Variants in PDZD4 observed in about 807,000 individuals in gnomAD.
PDZD4 encodes the protein PDZ domain containing 4.
In PDZD4, 9 loss-of-function variants were observed where a neutral mutation model predicts 38.5. The observed-to-expected ratio is 0.23, with a 90% CI of 0.14 to 0.41. PDZD4 has a LOEUF of 0.41. Ranked by LOEUF, PDZD4 falls within the 10% of genes least tolerant of loss-of-function variation. PDZD4 has a pLI of 1.00. For missense variants in PDZD4, 612 were observed against 722.0 expected (o/e 0.85, Z 1.75); for synonymous variants, 349 against 315.7 (o/e 1.11, Z -1.12).
At chrX:153,821,332 A>G (rs1373440719) in intron 1 of PDZD4, among the ~76,000 whole-genome samples, 2 of 111,144 alleles carry the variant, frequency 1.8e-5, no homozygotes, top group Non-Finnish European at 1.9e-5. Flanking sequence ...TTAGCTGCAC[A>G]TGGCAGGGAA....
chrX:153,807,628 C>T (rs1192000992), intron 2 of PDZD4, among the ~76,000 whole-genome samples: 1 of 89,087 alleles, frequency 1.1e-5, no homozygotes, highest in Non-Finnish European at 2.2e-5. Flanking sequence ...TTCCCGTCCC[C>T]CAGACCAGAA....
At chrX:153,815,009 C>G (rs1344148529) in intron 1 of PDZD4, among the ~76,000 whole-genome samples, 2 of 112,853 alleles carry the variant, frequency 1.8e-5, no homozygotes, top group Non-Finnish European at 3.8e-5. Context: ...GGCGGAGGAG[C>G]ACAAAGATGA....
rs782275159 is a variant in PDZD4, at chrX:153,821,553, G to A, written c.60+8686C>T. 5.4e-5 allele frequency among the ~76,000 whole-genome samples: 6 copies of A among 110,528 alleles called. No individual in the cohort carries two copies. In the East Asian group the frequency reaches 1.1e-3, roughly 21 times the overall value. On this transcript the variant is annotated intron_variant, in intron 1 of 7. Transcript: ENST00000393758. The stretch of plus-strand genomic sequence containing the variant: ...TTGGGGCTACCATAGATCTACTCCC[G>A]GTCCCTACCCAAGGCCCTGGCTACT...
chrX:153,818,985 G>T (rs1360376254), intron 1 of PDZD4, among the ~76,000 whole-genome samples: 4 of 112,541 alleles, frequency 3.6e-5, no homozygotes, highest in African/African-American at 6.4e-5. Flanking sequence ...GCGATCTCCC[G>T]CTGGGCAAGG....
intron 1 of PDZD4, among the ~76,000 whole-genome samples, chrX:153,810,200 A>G (rs1018767): frequency 0.45 from 50,281 of 111,541 alleles, 8,765 homozygotes; most frequent in East Asian, 0.83. Flanking sequence ...TCAGCGGCTT[A>G]TGGAAGGGCT....
rs1237615753 is a variant in PDZD4, at chrX:153,830,384, G to C, written c.-86C>G. 2.3e-6 allele frequency: 2 copies of C among 886,498 alleles called. No individual in the cohort carries two copies. Among genetic ancestry groups the C allele is most frequent in the East Asian group, 3.3e-5 (1 of 30,127 alleles). 73.1% of individuals were successfully genotyped at this position (886,498 alleles called of 1,213,427 possible). A position where few individuals can be genotyped will look rare whatever the true frequency, so the allele number is the denominator to read the frequency against. On this transcript the variant is annotated 5_prime_UTR_variant, in exon 1 of 8. Transcript: ENST00000393758. The stretch of plus-strand genomic sequence containing the variant: ...GGCGCGGGACCTCGGGTCCCGGGCC[G>C]GGGCCAGGGGCCATACCCTGGCGCG...
chrX:153,825,057 G>T (rs951257753), intron 1 of PDZD4, among the ~76,000 whole-genome samples: 3 of 112,716 alleles, frequency 2.7e-5, no homozygotes, highest in East Asian at 2.8e-4. Flanking sequence ...GGCCCTGTCT[G>T]CAGTGTCTCC....
At position 153,803,251 on chromosome X, in the gene PDZD4, ACGCG is replaced by A; in HGVS notation, c.*98_*101del. ...AGATGTGTGCGTGCGCACAGCGAGC[ACGCG>A]CGCGCGCACACACACACACACACAA... On this transcript the variant is annotated 3_prime_UTR_variant, in exon 8 of 8. Coordinates refer to ENST00000393758, the MANE Select transcript of PDZD4 (RefSeq NM_001303512.2). 1 of 579,842 alleles carries A rather than the reference ACGCG, an allele frequency of 1.7e-6. No individual in the cohort carries two copies. Among genetic ancestry groups the A allele is most frequent in the Non-Finnish European group, 2.4e-6 (1 of 413,822 alleles). 47.8% of individuals were successfully genotyped at this position (579,842 alleles called of 1,213,427 possible). A position where few individuals can be genotyped will look rare whatever the true frequency, so the allele number is the denominator to read the frequency against.
At position 153,806,715 on chromosome X, in the gene PDZD4, G is replaced by A. The variant is rs782737270; in HGVS notation, c.504+27C>T. On this transcript the variant is annotated intron_variant, in intron 4 of 7. Transcript: ENST00000393758. ...CAGGCAGGCCATGTGGATGGGCCTC[G>A]GGGCTGGGGCATACCCGTCTGCATA... The A allele has an allele frequency of 1.4e-5, 17 of 1,191,388 alleles. No homozygotes were observed. In the South Asian group the frequency reaches 1.8e-4, roughly 12 times the overall value.
In PDZD4 at chrX:153,830,432, G is replaced by A; in HGVS notation, c.-134C>T. The A allele has an allele frequency of 1.5e-5, 7 of 474,433 alleles. 1 individual carries two copies. The South Asian group carries it at 1.8e-4, about 12-fold the overall frequency. 39.1% of individuals were successfully genotyped at this position (474,433 alleles called of 1,213,427 possible). A position where few individuals can be genotyped will look rare whatever the true frequency, so the allele number is the denominator to read the frequency against. The stretch of plus-strand genomic sequence containing the variant: ...GCGGGGGGCGGGCCGCCTAGCGGGG[G>A]AGGGGGGCACGCCCCCGAGGTGGGG... On this transcript the variant is annotated 5_prime_UTR_variant, in exon 1 of 8. Coordinates refer to ENST00000393758, the MANE Select transcript of PDZD4 (RefSeq NM_001303512.2).
intron 1 of PDZD4, among the ~76,000 whole-genome samples, chrX:153,820,329 G>A (rs782154263): frequency 1.1e-3 from 81 of 76,615 alleles, no homozygotes; most frequent in African/African-American, 3.8e-3. Flanking sequence ...CAGCCTGGGC[G>A]ACAGAGCAAG....
At chrX:153,820,511 CT>C (rs2064412407) in intron 1 of PDZD4, among the ~76,000 whole-genome samples, 1 of 110,801 alleles carries the variant, frequency 9.0e-6, no homozygotes, top group African/African-American at 3.3e-5. Context: ...CACAGAGAGA[CT>C]CCATCTCAAA....
At chrX:153,830,214 C>T in intron 1 of PDZD4, 25 bp downstream of exon 1, 1 of 1,186,104 alleles carries the variant, frequency 8.4e-7, no homozygotes, top group Non-Finnish European at 1.1e-6. Context: ...GGGCCGCGCC[C>T]CCGCCGCAGC....
intron 5 of PDZD4, 70 bp from the exon 6 acceptor site, chrX:153,805,676 G>A (rs1461744569): frequency 3.4e-6 from 3 of 889,924 alleles, no homozygotes; most frequent in Non-Finnish European, 4.9e-6. Flanking sequence ...GGCGGGTGCA[G>A]GGAGCCCAAG....
intron 1 of PDZD4, among the ~76,000 whole-genome samples, chrX:153,820,999 A>T (rs2064417722): frequency 8.9e-6 from 1 of 112,643 alleles, no homozygotes; most frequent in Admixed American, 9.4e-5. Context: ...GCATCCAGTG[A>T]TGATTTTTGC....
chrX:153,821,093 C>G (rs1603266455), intron 1 of PDZD4, among the ~76,000 whole-genome samples: 1 of 112,170 alleles, frequency 8.9e-6, no homozygotes, highest in East Asian at 2.8e-4. Context: ...GTGACAGGCC[C>G]GGCAAGTAGC....
chrX:153,807,684 C>T (rs1365032991), intron 2 of PDZD4, among the ~76,000 whole-genome samples: 1 of 110,507 alleles, frequency 9.0e-6, no homozygotes, highest in Non-Finnish European at 1.9e-5. Context: ...CTCCAATCTC[C>T]GGGTGCCCAC....
Position 153,830,309 on chromosome X carries a change from G to C in PDZD4, c.-11C>G. 1 of 1,197,996 alleles carries C rather than the reference G, an allele frequency of 8.3e-7. No individual in the cohort carries two copies. The highest frequency in any genetic ancestry group is 1.8e-5 in the South Asian group (1 of 55,791). ...CATATTACATCCCATGTTGCTGGCC[G>C]GCGAGAGGAGGCGGAGGGCGGGAAC... On this transcript the variant is annotated 5_prime_UTR_variant, in exon 1 of 8. Coordinates refer to ENST00000393758, the MANE Select transcript of PDZD4 (RefSeq NM_001303512.2).
intron 1 of PDZD4, among the ~76,000 whole-genome samples, chrX:153,822,557 G>A (rs1295829245): frequency 9.0e-6 from 1 of 111,327 alleles, no homozygotes; most frequent in African/African-American, 3.3e-5. Flanking sequence ...CGCCTCCTCC[G>A]GCCCAACTCC....
Sources: allele counts gnomAD v4.1 joint callset (sites outside exome capture counted in the v4.1 genomes callset), GRCh38; gene constraint gnomAD v4.1.1; transcripts MANE v1.5; gene names NCBI Gene and HGNC (gene_info 2026-07-23, HGNC 2026-07-21).